PODXL: variants seen among roughly 807,000 people sequenced by gnomAD.
PODXL encodes podocalyxin like.
Under a neutral mutation model 48.9 loss-of-function variants are expected in PODXL, and 20 were observed. The observed-to-expected ratio is 0.41, with a 90% CI of 0.29 to 0.59. The LOEUF (loss-of-function observed/expected upper bound fraction) is 0.59. PODXL is among the 20% of genes least tolerant of loss of function. PODXL has a pLI of 0.31. For synonymous variants in PODXL, 295 were observed against 287.4 expected (o/e 1.03, Z -0.27); for missense variants, 606 against 675.1 (o/e 0.90, Z 1.13).
chr7:131,551,030 G>T (rs886924719), intron 1 of PODXL, among the ~76,000 whole-genome samples: 1 of 152,126 alleles, frequency 6.6e-6, no homozygotes, highest in South Asian at 2.1e-4. Flanking sequence ...ATTCCACATT[G>T]CACAGCCTGC....
intron 1 of PODXL, among the ~76,000 whole-genome samples, chr7:131,541,557 G>C (rs57503556): frequency 2.6e-5 from 4 of 151,954 alleles, no homozygotes; most frequent in African/African-American, 9.7e-5. Context: ...TTGGTGGTGG[G>C]CGTCTCTAAT....
intron 1 of PODXL, among the ~76,000 whole-genome samples, chr7:131,532,311 C>T (rs577425304): frequency 2.8e-4 from 42 of 150,466 alleles, no homozygotes; most frequent in African/African-American, 9.7e-4. Context: ...TGGCAGGTGC[C>T]TGTAGTCCCA....
chr7:131,518,370 A>T (rs1004250585), intron 1 of PODXL, among the ~76,000 whole-genome samples: 13 of 152,200 alleles, frequency 8.5e-5, no homozygotes, highest in African/African-American at 2.7e-4. Flanking sequence ...CTAAAGAATC[A>T]AGCGTAAGTC....
chr7:131,508,277 C>G (rs889645894), intron 5 of PODXL, among the ~76,000 whole-genome samples: 1 of 152,162 alleles, frequency 6.6e-6, no homozygotes, highest in Non-Finnish European at 1.5e-5. Context: ...CCTTTTCTCT[C>G]CCACCCATCC....
chr7:131,540,172 T>C (rs1183537649), intron 1 of PODXL, among the ~76,000 whole-genome samples: 1 of 152,078 alleles, frequency 6.6e-6, no homozygotes, highest in Non-Finnish European at 1.5e-5. Context: ...CAGCCTGCCA[T>C]GTAGCTGGGA....
chr7:131,506,253 C>T lies in PODXL; in HGVS notation c.1311+7G>A, dbSNP rs371693121. 7.4e-5 allele frequency: 119 copies of T among 1,613,918 alleles called. No individual in the cohort carries two copies. The highest frequency in any genetic ancestry group is 9.0e-5 in the Non-Finnish European group (106 of 1,179,900). On this transcript the variant is annotated splice_region_variant and intron_variant, in intron 7 of 8. Transcript: ENST00000378555. ...CACTCTGTCCCCACACTTGGGGGGC[C>T]GCTTACCTCCTTTAGTTCATCCCAT... is the stretch of plus-strand genomic sequence containing the variant.
chr7:131,507,184 G>T (rs914309227), intron 5 of PODXL, among the ~76,000 whole-genome samples: 1 of 152,176 alleles, frequency 6.6e-6, no homozygotes, highest in Non-Finnish European at 1.5e-5. Context: ...GAGAAATCAG[G>T]TGGGGAGGCT....
At chr7:131,549,591 G>A (rs901011164) in intron 1 of PODXL, among the ~76,000 whole-genome samples, 3 of 152,172 alleles carry the variant, frequency 2.0e-5, no homozygotes, top group African/African-American at 7.2e-5. Flanking sequence ...CTCTGATCAG[G>A]GTCAGGTAGC....
At chr7:131,511,589 T>C (rs1046537849) in intron 1 of PODXL, 156 bp from the exon 2 acceptor site, 2 of 668,622 alleles carry the variant, frequency 3.0e-6, no homozygotes, top group Non-Finnish European at 5.0e-6. Flanking sequence ...TTTTCGGAGG[T>C]TCAAGAAACC....
intron 1 of PODXL, among the ~76,000 whole-genome samples, chr7:131,547,444 T>C (rs1241804049): frequency 6.8e-6 from 1 of 147,796 alleles, no homozygotes; most frequent in African/African-American, 2.5e-5. Flanking sequence ...ACCACCTACA[T>C]GATCCTATTT....
intron 1 of PODXL, among the ~76,000 whole-genome samples, chr7:131,555,890 C>G (rs1250063433): frequency 2.0e-5 from 3 of 152,242 alleles, no homozygotes. Flanking sequence ...CCCTCCAACA[C>G]GAAGGAAAGG....
At chr7:131,551,514 C>T (rs1275269355) in intron 1 of PODXL, among the ~76,000 whole-genome samples, 1 of 152,230 alleles carries the variant, frequency 6.6e-6, no homozygotes, top group Non-Finnish European at 1.5e-5. Context: ...TTGCATTCAG[C>T]AGCCCTGAAG....
chr7:131,535,239 A>C (rs113673136), intron 1 of PODXL, among the ~76,000 whole-genome samples: 1,857 of 152,246 alleles, frequency 0.012, 45 homozygotes, highest in African/African-American at 0.042. Flanking sequence ...GAGGATGAAC[A>C]TCTTCTGCAG....
At chr7:131,556,180 CG>C (rs1798739588) in intron 1 of PODXL, 79 bp downstream of exon 1, 7 of 1,353,856 alleles carry the variant, frequency 5.2e-6, no homozygotes, top group Non-Finnish European at 5.7e-6. Context: ...CGCGGCGCGC[CG>C]GGCTTCCCTG....
chr7:131,525,076 A>G (rs948343111), intron 1 of PODXL, among the ~76,000 whole-genome samples: 1 of 152,150 alleles, frequency 6.6e-6, no homozygotes, highest in Non-Finnish European at 1.5e-5. Flanking sequence ...GGTTGAGGGA[A>G]CTGGGAGGAG....
chr7:131,524,377 C>CAG (rs1451998492), intron 1 of PODXL, among the ~76,000 whole-genome samples: 112 of 24,060 alleles, frequency 4.7e-3, no homozygotes, highest in African/African-American at 0.013. Flanking sequence ...CACACACACA[C>CAG]ACAGAGAGAG....
At chr7:131,504,746 T>C (rs1797770864) in intron 8 of PODXL, among the ~76,000 whole-genome samples, 1 of 152,152 alleles carries the variant, frequency 6.6e-6, no homozygotes, top group Non-Finnish European at 1.5e-5. Flanking sequence ...GTGAAGTTAG[T>C]GGAGATGGAC....
At chr7:131,540,973 A>G (rs1203576625) in intron 1 of PODXL, among the ~76,000 whole-genome samples, 1 of 152,214 alleles carries the variant, frequency 6.6e-6, no homozygotes, top group South Asian at 2.1e-4. Flanking sequence ...CTGAAGGTTA[A>G]GGCAGCAAGT....
At chr7:131,530,747 G>T (rs1281465774) in intron 1 of PODXL, among the ~76,000 whole-genome samples, 32 of 135,094 alleles carry the variant, frequency 2.4e-4, no homozygotes, top group Admixed American at 1.7e-3. Context: ...AATGGGGAAA[G>T]ATCATGTCTC....
Sources: allele counts gnomAD v4.1 joint callset (sites outside exome capture counted in the v4.1 genomes callset), GRCh38; gene constraint gnomAD v4.1.1; transcripts MANE v1.5; gene names NCBI Gene and HGNC (gene_info 2026-07-23, HGNC 2026-07-21).